MAP7: variants seen among roughly 807,000 people sequenced by gnomAD.
The protein encoded by MAP7 is ensconsin.
A neutral mutation model predicts 94.8 loss-of-function variants in MAP7; 52 were observed. That is an observed-to-expected ratio of 0.55 (90% CI 0.44 to 0.69). The LOEUF is 0.69. Ranked by LOEUF, MAP7 falls within the 30% of genes least tolerant of loss-of-function variation. The pLI, the probability that MAP7 is intolerant of heterozygous loss-of-function variation, is 0.00. For synonymous variants in MAP7, 350 were observed against 357.0 expected (o/e 0.98, Z 0.22); for missense variants, 940 against 964.6 (o/e 0.97, Z 0.34).
chr6:136,362,153 G>A (rs893638811), intron 11 of MAP7, among the ~76,000 whole-genome samples: 5 of 152,016 alleles, frequency 3.3e-5, no homozygotes, highest in Admixed American at 1.3e-4. Flanking sequence ...GGGCATGGTG[G>A]CTCATGTCTG....
Position 136,360,988 on chromosome 6 carries a change from GT to G in MAP7, c.1701+16del, listed in dbSNP as rs1241712583. The stretch of plus-strand genomic sequence containing the variant: ...CTGCGGGACTGGGGCCGGGGCCAGG[GT>G]GGGGTGCGGCCGCACCTGCCTCTGG... On this transcript the variant is annotated intron_variant, in intron 12 of 17. Transcript: ENST00000354570. 1.3e-6 allele frequency: 2 copies of G among 1,560,012 alleles called. No homozygotes were observed. Among genetic ancestry groups the G allele is most frequent in the Non-Finnish European group, 1.7e-6 (2 of 1,161,078 alleles).
intron 2 of MAP7, among the ~76,000 whole-genome samples, chr6:136,412,277 TG>T (rs2128743108): frequency 6.6e-6 from 1 of 152,288 alleles, no homozygotes; most frequent in East Asian, 1.9e-4. Flanking sequence ...GTAGTGTGTA[TG>T]TCCCAGTAAA....
At chr6:136,494,664 G>A (rs929983292) in intron 1 of MAP7, among the ~76,000 whole-genome samples, 1 of 152,018 alleles carries the variant, frequency 6.6e-6, no homozygotes, top group African/African-American at 2.4e-5. Context: ...CTAATCCACA[G>A]GGATCCCTCA....
intron 16 of MAP7, among the ~76,000 whole-genome samples, chr6:136,350,311 G>A (rs1338538340): frequency 6.6e-6 from 1 of 152,144 alleles, no homozygotes; most frequent in African/African-American, 2.4e-5. Flanking sequence ...GATACTGACT[G>A]ATCACAAGGA....
At chr6:136,491,975 G>T (rs993703964) in intron 1 of MAP7, among the ~76,000 whole-genome samples, 3 of 152,154 alleles carry the variant, frequency 2.0e-5, no homozygotes, top group Admixed American at 6.5e-5. Context: ...TGGGGAGAGC[G>T]GGGGGAAATA....
intron 1 of MAP7, among the ~76,000 whole-genome samples, chr6:136,423,782 G>GTT (rs60134746): frequency 0.013 from 1,802 of 135,952 alleles, 28 homozygotes; most frequent in African/African-American, 0.027. Flanking sequence ...AGGGAGTTGT[G>GTT]TTTTTTTTTT....
At chr6:136,411,208 G>T (rs1787335623) in intron 3 of MAP7, among the ~76,000 whole-genome samples, 1 of 152,166 alleles carries the variant, frequency 6.6e-6, no homozygotes, top group Admixed American at 6.5e-5. Flanking sequence ...TGCTTTTCCT[G>T]GCAGCAGCCT....
intron 1 of MAP7, among the ~76,000 whole-genome samples, chr6:136,508,448 A>C (rs982577381): frequency 6.6e-6 from 1 of 152,242 alleles, no homozygotes; most frequent in Admixed American, 6.5e-5. Context: ...CATCAGCATC[A>C]GGATAAAGAA....
At chr6:136,346,116 G>A in intron 16 of MAP7, 37 bp from the exon 17 acceptor site, 8 of 1,329,854 alleles carry the variant, frequency 6.0e-6, no homozygotes, top group South Asian at 1.3e-5. Flanking sequence ...AAATAAGTTA[G>A]TCTTAAAACT....
At chr6:136,360,842 C>T (rs778343670) in intron 12 of MAP7, 44 bp from the exon 13 acceptor site, 3 of 1,601,374 alleles carry the variant, frequency 1.9e-6, no homozygotes, top group Admixed American at 1.7e-5. Flanking sequence ...AACAGGCGGG[C>T]TGCCCGGGTC....
chr6:136,477,230 C>T (rs192489045), intron 1 of MAP7, among the ~76,000 whole-genome samples: 304 of 152,284 alleles, frequency 2.0e-3, no homozygotes, highest in African/African-American at 7.1e-3. Flanking sequence ...ATCACTTCTG[C>T]GGCATTCAGG....
rs754189032 is a variant in MAP7, at chr6:136,366,311, C to T, written c.989+16G>A. On this transcript the variant is annotated intron_variant, in intron 9 of 17. Transcript: ENST00000354570. Reference sequence around the variant, plus strand: ...TAACATGAAACAACCCAGCCAGCCACTTATATTTCACTTACCAAAGTCGGG... The same window carrying T: ...TAACATGAAACAACCCAGCCAGCCATTTATATTTCACTTACCAAAGTCGGG... The T allele has an allele frequency of 6.3e-7, 1 of 1,597,226 alleles. No individual in the cohort carries two copies. Among genetic ancestry groups the T allele is most frequent in the South Asian group, 1.1e-5 (1 of 90,718 alleles).
intron 3 of MAP7, among the ~76,000 whole-genome samples, chr6:136,405,517 G>A (rs1257689001): frequency 6.6e-6 from 1 of 152,234 alleles, no homozygotes; most frequent in African/African-American, 2.4e-5. Flanking sequence ...GAACCAGCAT[G>A]GCTGGAGGAG....
At chr6:136,396,700 G>A (rs1182669308) in intron 3 of MAP7, among the ~76,000 whole-genome samples, 2 of 152,080 alleles carry the variant, frequency 1.3e-5, no homozygotes, top group Non-Finnish European at 2.9e-5. Context: ...GTTTGGTCCT[G>A]GGTAAATTGC....
rs549665852 is a variant in MAP7, at chr6:136,413,119, G to A, written c.167-1422C>T. On this transcript the variant is annotated intron_variant, in intron 2 of 17. Transcript: ENST00000354570. ...AGAAGATGCAGGGAGCCAAGATCGC[G>A]CCATTGCACTCCAGCCTGGGCAACA... Among the ~76,000 whole-genome samples, 141 of 152,190 alleles carry A rather than the reference G, an allele frequency of 9.3e-4. 2 individuals are homozygous for A. The South Asian group carries it at 0.027, about 29-fold the overall frequency.
At chr6:136,362,840 A>C in intron 10 of MAP7, 138 bp from the exon 11 acceptor site, 1 of 1,361,250 alleles carries the variant, frequency 7.3e-7, no homozygotes, top group Non-Finnish European at 9.8e-7. Context: ...GTGTGTTCTC[A>C]CGGTTTCACT....
At chr6:136,525,232 A>G (rs1827499381) in intron 1 of MAP7, among the ~76,000 whole-genome samples, 2 of 152,194 alleles carry the variant, frequency 1.3e-5, no homozygotes. Context: ...ACACGAATTC[A>G]GTTATCATCA....
chr6:136,409,437 G>A (rs184627430), intron 3 of MAP7, among the ~76,000 whole-genome samples: 188 of 152,158 alleles, frequency 1.2e-3, no homozygotes, highest in Middle Eastern at 3.4e-3. Flanking sequence ...TCATATATTG[G>A]CTCACCAAAA....
chr6:136,456,822 G>A (rs67002677), intron 1 of MAP7, among the ~76,000 whole-genome samples: 13 of 69,020 alleles, frequency 1.9e-4, no homozygotes, highest in East Asian at 6.8e-4. Context: ...AGAAGAAGAA[G>A]GAAGAAGAAG....
Sources: gnomAD v4.1 joint callset for allele counts (sites outside exome capture counted in the v4.1 genomes callset) on GRCh38, gnomAD v4.1.1 for gene constraint, MANE v1.5 for transcripts, NCBI Gene and HGNC (gene_info 2026-07-23, HGNC 2026-07-21) for gene names.